The following CHEK1 variants were observed in gnomAD, a reference collection of about 807,000 sequenced individuals.
CHEK1 encodes checkpoint kinase 1, also known as serine/threonine-protein kinase Chk1.
A neutral mutation model predicts 60.2 loss-of-function variants in CHEK1; 32 were observed. That is an observed-to-expected ratio of 0.53 (90% CI 0.40 to 0.71). The LOEUF is 0.71. Among genes scored for constraint, CHEK1 ranks in the 30% least tolerant of loss-of-function variants. The probability of loss-of-function intolerance (pLI) is 0.00; values close to 1 mark genes in which losing one functional copy is unlikely to be tolerated. For synonymous variants in CHEK1, 179 were observed against 187.2 expected (o/e 0.96, Z 0.36); for missense variants, 399 against 564.6 (o/e 0.71, Z 2.97).
rs1941391299 is a variant in CHEK1, at chr11:125,643,778, G to T, written c.815-14G>T. The T allele has an allele frequency of 6.2e-7, 1 of 1,602,796 alleles. No homozygotes were observed. The highest frequency in any genetic ancestry group is 8.5e-7 in the Non-Finnish European group (1 of 1,174,946). On this transcript the variant is annotated splice_polypyrimidine_tract_variant and intron_variant, in intron 8 of 12. Coordinates refer to ENST00000438015, the MANE Select transcript of CHEK1 (RefSeq NM_001114122.3). Reference sequence around the variant, plus strand: ...AGAAGACTTGAAAGCATTTGTATTTGTTTTCTTTTTTAGGGGCAAAAAGGC... The same window carrying T: ...AGAAGACTTGAAAGCATTTGTATTTTTTTTCTTTTTTAGGGGCAAAAAGGC...
At chr11:125,648,865 CAT>C (rs1366818514) in intron 11 of CHEK1, among the ~76,000 whole-genome samples, 5 of 152,096 alleles carry the variant, frequency 3.3e-5, no homozygotes, top group African/African-American at 9.7e-5. Flanking sequence ...TTGAGATAAT[CAT>C]GTGGATTTTT....
At chr11:125,674,811 G>A (rs80262452) in intron 13 of CHEK1, among the ~76,000 whole-genome samples, 3,130 of 152,262 alleles carry the variant, frequency 0.021, 84 homozygotes, top group African/African-American at 0.068. Context: ...AAATAAAGGA[G>A]AACTATTAAA....
At chr11:125,644,339 T>A in intron 10 of CHEK1, 71 bp downstream of exon 10, 2 of 1,496,736 alleles carry the variant, frequency 1.3e-6, no homozygotes. Context: ...CCTTTTTTAA[T>A]GTGTAAATCT....
At chr11:125,670,509 A>G (rs1406346579) in intron 13 of CHEK1, among the ~76,000 whole-genome samples, 1 of 152,166 alleles carries the variant, frequency 6.6e-6, no homozygotes. Flanking sequence ...GTCTCCTTCA[A>G]TGTGGACAGA....
At chr11:125,666,237 T>C (rs1298484142) in intron 13 of CHEK1, among the ~76,000 whole-genome samples, 1 of 151,950 alleles carries the variant, frequency 6.6e-6, no homozygotes, top group African/African-American at 2.4e-5. Flanking sequence ...ATTTTACTTC[T>C]AATTTTTTTT....
intron 13 of CHEK1, among the ~76,000 whole-genome samples, chr11:125,662,751 C>G (rs1321075183): frequency 2.0e-5 from 3 of 152,186 alleles, no homozygotes; most frequent in Non-Finnish European, 4.4e-5. Context: ...ACTGGAGTGG[C>G]ACTACTCAAT....
At chr11:125,667,037 A>C (rs908071155) in intron 13 of CHEK1, among the ~76,000 whole-genome samples, 2 of 151,398 alleles carry the variant, frequency 1.3e-5, no homozygotes, top group Non-Finnish European at 2.9e-5. Context: ...AAGGGTACAC[A>C]TGCCGGTTTA....
intron 13 of CHEK1, among the ~76,000 whole-genome samples, chr11:125,674,633 C>T (rs992936235): frequency 6.6e-5 from 10 of 152,202 alleles, no homozygotes; most frequent in Admixed American, 5.2e-4. Flanking sequence ...CTTGTGTCCA[C>T]TGTAACTTGC....
chr11:125,653,507 C>G lies in CHEK1; in HGVS notation c.1234-239C>G, dbSNP rs1941806828. ...TGAGCCACAGTGCCTGGCCTACACT[C>G]ATCTGTTGTTGGATACCTAGGTTGA... On this transcript the variant is annotated intron_variant, in intron 11 of 12. Transcript: ENST00000438015. The surrounding 1 kb of genome is among the most constrained non-coding windows in gnomAD (Gnocchi z 4.3). 6.6e-6 allele frequency among the ~76,000 whole-genome samples: 1 copy of G among 152,222 alleles called. No homozygotes were observed. Among genetic ancestry groups the G allele is most frequent in the Admixed American group, 6.5e-5 (1 of 15,278 alleles).
chr11:125,631,072 A>G (rs988964897), intron 5 of CHEK1, among the ~76,000 whole-genome samples: 1 of 152,348 alleles, frequency 6.6e-6, no homozygotes, highest in African/African-American at 2.4e-5. Context: ...GTATGTAAAC[A>G]TGGAGAAAAA....
At chr11:125,671,215 T>C (rs1034080499) in intron 13 of CHEK1, among the ~76,000 whole-genome samples, 1 of 152,170 alleles carries the variant, frequency 6.6e-6, no homozygotes, top group African/African-American at 2.4e-5. Context: ...ACAACATATT[T>C]GAACTTACAT....
At chr11:125,629,656 G>A (rs569727681) in intron 5 of CHEK1, among the ~76,000 whole-genome samples, 196 bp downstream of exon 5, 43 of 152,186 alleles carry the variant, frequency 2.8e-4, no homozygotes, top group African/African-American at 1.0e-3. Context: ...GTCTCATTTT[G>A]CAATACAAGT....
chr11:125,635,624 T>A, intron 7 of CHEK1, 91 bp downstream of exon 7: 1 of 781,410 alleles, frequency 1.3e-6, no homozygotes, highest in Non-Finnish European at 2.0e-6. Context: ...TTTTTTGTTT[T>A]AAACTTACAA....
chr11:125,639,595 C>T (rs1157065469), intron 8 of CHEK1, among the ~76,000 whole-genome samples: 1 of 152,008 alleles, frequency 6.6e-6, no homozygotes, highest in Non-Finnish European at 1.5e-5. Context: ...TGGTCTCAAA[C>T]TCCTAGCCTC....
intron 13 of CHEK1, chr11:125,672,860 C>G (rs1358619286): frequency 5.5e-6 from 6 of 1,085,892 alleles, no homozygotes; most frequent in Non-Finnish European, 7.7e-6. Flanking sequence ...CTATTTGCTT[C>G]CTCTGGGAAC....
chr11:125,626,451 C>T, intron 1 of CHEK1: 3 of 457,888 alleles, frequency 6.6e-6, no homozygotes, highest in Non-Finnish European at 1.2e-5. Flanking sequence ...CCCAGTCGTT[C>T]GCCGGAAAGC....
At chr11:125,657,187 T>TTGTGTGTGTGTGTG (rs3831425), downstream of CHEK1, 29 of 147,222 alleles carry the variant, frequency 2.0e-4, no homozygotes, top group Admixed American at 4.2e-4. Flanking sequence ...CAACCTATGC[T>TTGTGTGTGTGTGTG]TGTGTGTGTG....
intron 8 of CHEK1, among the ~76,000 whole-genome samples, chr11:125,640,038 C>T (rs982224761): frequency 8.5e-5 from 13 of 152,284 alleles, no homozygotes; most frequent in African/African-American, 2.9e-4. Context: ...CCACTTTTCC[C>T]TACCATTCCA....
intron 8 of CHEK1, among the ~76,000 whole-genome samples, chr11:125,642,272 C>G (rs539052364): frequency 6.6e-6 from 1 of 152,272 alleles, no homozygotes; most frequent in African/African-American, 2.4e-5. Context: ...AATTTTTACT[C>G]TCTTGTGGAC....
Sources: allele counts gnomAD v4.1 joint callset (sites outside exome capture counted in the v4.1 genomes callset), GRCh38; gene constraint gnomAD v4.1.1; non-coding constraint Gnocchi (gnomAD v3.1); transcripts MANE v1.5; gene names NCBI Gene and HGNC (gene_info 2026-07-23, HGNC 2026-07-21).